The following MCTP1 variants were observed in gnomAD, a reference collection of about 807,000 sequenced individuals.
The protein encoded by MCTP1 is multiple C2 and transmembrane domain-containing protein 1.
In MCTP1, 69 loss-of-function variants were observed where a neutral mutation model predicts 120.6. The observed-to-expected ratio is 0.57, with a 90% CI of 0.47 to 0.70. The LOEUF is 0.70. MCTP1 is among the 30% of genes least tolerant of loss of function. The pLI is 0.00. For missense variants in MCTP1, 1,203 were observed against 1,248.8 expected (o/e 0.96, Z 0.55); for synonymous variants, 529 against 493.1 (o/e 1.07, Z -0.96).
chr5:94,807,392 A>AAG (rs1782563233), intron 17 of MCTP1, among the ~76,000 whole-genome samples: 1 of 152,200 alleles, frequency 6.6e-6, no homozygotes, highest in South Asian at 2.1e-4. Context: ...GGCCTTAAAG[A>AAG]AGAGAGCTGG....
chr5:94,718,119 C>G (rs1759950437), intron 19 of MCTP1, among the ~76,000 whole-genome samples: 1 of 152,156 alleles, frequency 6.6e-6, no homozygotes, highest in Non-Finnish European at 1.5e-5. Context: ...AACTATATTA[C>G]AAGGCTACAG....
intron 17 of MCTP1, among the ~76,000 whole-genome samples, chr5:94,863,143 C>A (rs1796137194): frequency 6.6e-6 from 1 of 151,442 alleles, no homozygotes; most frequent in Non-Finnish European, 1.5e-5. Context: ...GAAAGATGGG[C>A]AAAAAGGCTT....
intron 1 of MCTP1, among the ~76,000 whole-genome samples, chr5:95,028,479 T>C (rs1411677656): frequency 6.6e-6 from 1 of 152,184 alleles, no homozygotes; most frequent in Non-Finnish European, 1.5e-5. Context: ...TTTAAAAAAG[T>C]ATGAAATTCA....
intron 7 of MCTP1, among the ~76,000 whole-genome samples, chr5:94,920,681 A>G (rs62365753): frequency 0.13 from 19,411 of 151,612 alleles, 1,614 homozygotes; most frequent in Middle Eastern, 0.18. Flanking sequence ...GGCGAAGCTT[A>G]TAGTGAGCCA....
chr5:94,757,453 T>A (rs756347328), intron 19 of MCTP1, among the ~76,000 whole-genome samples: 3 of 152,256 alleles, frequency 2.0e-5, no homozygotes, highest in African/African-American at 7.2e-5. Context: ...TGAGTTTTTA[T>A]GTCTTCATGA....
chr5:94,839,842 A>C (rs1213645582), intron 17 of MCTP1, among the ~76,000 whole-genome samples: 1 of 152,214 alleles, frequency 6.6e-6, no homozygotes, highest in Admixed American at 6.5e-5. Context: ...TTAAAAGATG[A>C]CTATAAAGAT....
At chr5:94,710,000 G>A (rs938613934) in intron 21 of MCTP1, 1 of 152,100 alleles carries the variant, frequency 6.6e-6, no homozygotes, top group Admixed American at 6.6e-5. Flanking sequence ...ACTCATTTTG[G>A]TTCTTTGCAT....
chr5:94,912,461 A>T (rs1808936413), intron 9 of MCTP1, among the ~76,000 whole-genome samples: 1 of 131,224 alleles, frequency 7.6e-6, no homozygotes, highest in African/African-American at 2.9e-5. Flanking sequence ...AAAAAAAAAA[A>T]AAAAAGCCGC....
intron 1 of MCTP1, among the ~76,000 whole-genome samples, chr5:95,201,109 T>G (rs1171314063): frequency 6.6e-6 from 1 of 152,212 alleles, no homozygotes; most frequent in African/African-American, 2.4e-5. Context: ...GAAATTGTAT[T>G]TTAACACACT....
intron 19 of MCTP1, among the ~76,000 whole-genome samples, chr5:94,728,776 C>T (rs754639832): frequency 6.6e-6 from 1 of 152,110 alleles, no homozygotes; most frequent in African/African-American, 2.4e-5. Context: ...TTCTTTCCCC[C>T]GCACTGGCTA....
At position 95,267,461 on chromosome 5, in the gene MCTP1, TC is replaced by T. The variant is rs1394641487; in HGVS notation, c.720+16394del. 5.9e-5 allele frequency among the ~76,000 whole-genome samples: 9 copies of T among 152,328 alleles called. No individual in the cohort carries two copies. In the East Asian group the frequency reaches 1.7e-3, roughly 29 times the overall value. The stretch of plus-strand genomic sequence containing the variant: ...TTGCATTTCTTGCCTTCATTTACTT[TC>T]CAATAGTACTCAATAAAAAAGCAAT... On this transcript the variant is annotated intron_variant, in intron 1 of 22. Coordinates refer to ENST00000515393, the MANE Select transcript of MCTP1 (RefSeq NM_024717.7).
intron 17 of MCTP1, among the ~76,000 whole-genome samples, chr5:94,837,665 G>A (rs1790115356): frequency 6.6e-6 from 1 of 152,184 alleles, no homozygotes; most frequent in Non-Finnish European, 1.5e-5. Context: ...TCTGGAGCTA[G>A]TTTTCTTCAA....
At chr5:95,039,080 T>C (rs1269087487) in intron 1 of MCTP1, among the ~76,000 whole-genome samples, 1 of 152,044 alleles carries the variant, frequency 6.6e-6, no homozygotes, top group Admixed American at 6.5e-5. Flanking sequence ...AAATAGCACA[T>C]ACCTAACAGA....
At chr5:94,993,451 C>T (rs1832005653) in intron 2 of MCTP1, among the ~76,000 whole-genome samples, 1 of 152,174 alleles carries the variant, frequency 6.6e-6, no homozygotes, top group Non-Finnish European at 1.5e-5. Flanking sequence ...GGACTATTTT[C>T]TCTTCATAGA....
chr5:94,766,225 C>T (rs531495969), intron 19 of MCTP1, among the ~76,000 whole-genome samples: 25 of 152,074 alleles, frequency 1.6e-4, no homozygotes, highest in African/African-American at 5.5e-4. Context: ...CTAGCGAGGG[C>T]GAGAAGAACA....
At chr5:94,877,174 T>C (rs1561790973) in intron 12 of MCTP1, among the ~76,000 whole-genome samples, 1 of 152,110 alleles carries the variant, frequency 6.6e-6, no homozygotes, top group African/African-American at 2.4e-5. Flanking sequence ...CACAGTGCTT[T>C]TAAAAGTGAA....
intron 1 of MCTP1, among the ~76,000 whole-genome samples, chr5:95,271,347 T>C (rs1759376790): frequency 6.6e-6 from 1 of 152,224 alleles, no homozygotes; most frequent in Non-Finnish European, 1.5e-5. Context: ...TCAGATCCAT[T>C]TGTTCCTAAT....
intron 11 of MCTP1, 34 bp downstream of exon 11, chr5:94,894,613 CAT>C: frequency 1.4e-6 from 2 of 1,463,980 alleles, no homozygotes; most frequent in Non-Finnish European, 1.9e-6. Flanking sequence ...GATCTAGTCA[CAT>C]GTGTCTCTGG....
chr5:95,023,196 C>T (rs1029024079), intron 1 of MCTP1, among the ~76,000 whole-genome samples: 2 of 152,176 alleles, frequency 1.3e-5, no homozygotes, highest in African/African-American at 4.8e-5. Flanking sequence ...CTCCAGTGAA[C>T]ACACACTTAC....
Sources: gnomAD v4.1 joint callset for allele counts (sites outside exome capture counted in the v4.1 genomes callset) on GRCh38, gnomAD v4.1.1 for gene constraint, MANE v1.5 for transcripts, NCBI Gene and HGNC (gene_info 2026-07-23, HGNC 2026-07-21) for gene names.